GOLGA2: variants seen among roughly 807,000 people sequenced by gnomAD.
GOLGA2 encodes the protein golgin A2.
GOLGA2 carries 49 observed loss-of-function variants against 148.8 expected under a neutral mutation model. That is an observed-to-expected ratio of 0.33 (90% CI 0.26 to 0.42). The LOEUF (loss-of-function observed/expected upper bound fraction) is 0.42, where lower values mean the gene tolerates loss of function less well. Ranked by LOEUF, GOLGA2 falls within the 10% of genes least tolerant of loss-of-function variation. The pLI, the probability that GOLGA2 is intolerant of heterozygous loss-of-function variation, is 1.00. For synonymous variants in GOLGA2, 501 were observed against 511.8 expected (o/e 0.98, Z 0.28); for missense variants, 1,178 against 1,304.6 (o/e 0.90, Z 1.49).
At position 128,266,680 on chromosome 9, in the gene GOLGA2, G is replaced by C. The variant is rs1315881445; in HGVS notation, c.643-355C>G. 2 of 409,306 alleles carry C rather than the reference G, an allele frequency of 4.9e-6. No individual in the cohort carries two copies. The highest frequency in any genetic ancestry group is 2.0e-5 in the African/African-American group (1 of 48,790). 25.4% of individuals were successfully genotyped at this position (409,306 alleles called of 1,614,324 possible). A position where few individuals can be genotyped will look rare whatever the true frequency, so the allele number is the denominator to read the frequency against. On this transcript the variant is annotated intron_variant, in intron 8 of 26. Transcript: ENST00000611957. This position sits in a 1 kb window ranked among gnomAD's most constrained non-coding sequence, Gnocchi z 4.2. ...GCTGAGCACACACAGGCCAGGTACGGTTCTTAATAGCAGGGATACCAGACA... is the reference window on the plus strand; with the variant it reads ...GCTGAGCACACACAGGCCAGGTACGCTTCTTAATAGCAGGGATACCAGACA...
In GOLGA2 at chr9:128,260,647, C is replaced by T; in HGVS notation, c.1576G>A (p.Glu526Lys). ...AGCTCCAGCAGCCTCTCCTCCTGCT[C>T]CCGGTTCAGGCGACTCAAGCCCTCA... is the stretch of plus-strand genomic sequence containing the variant. ...DNEGLSRLNREQEERLLELER... is the reference protein window; with the variant it reads ...DNEGLSRLNRKQEERLLELER... The change falls in exon 18 of 27, where the codon GAG becomes AAG. Residue 526 changes from glutamate (E) to lysine (K), a missense_variant. Glu to Lys is a moderately conservative substitution (Grantham distance 56). Transcript: ENST00000611957. The surrounding 1 kb of genome is among the most constrained non-coding windows in gnomAD (Gnocchi z 4.8). 6.2e-7 allele frequency: 1 copy of T among 1,612,474 alleles called. No homozygotes were observed. Among genetic ancestry groups the T allele is most frequent in the East Asian group, 2.2e-5 (1 of 44,876 alleles).
At chr9:128,275,530 A>G in intron 1 of GOLGA2, 1 of 1,290,274 alleles carries the variant, frequency 7.8e-7, no homozygotes, top group South Asian at 2.6e-5. Flanking sequence ...GGGCCCCGGG[A>G]GTCACGGGCC....
chr9:128,268,046 A>G (rs1357030227), intron 5 of GOLGA2, 49 bp from the exon 6 acceptor site: 16 of 1,603,342 alleles, frequency 1.0e-5, no homozygotes, highest in Non-Finnish European at 1.4e-5. Context: ...TCAATGGGAA[A>G]GAAGGTCATG....
chr9:128,261,519 A>G lies in GOLGA2; in HGVS notation c.1267T>C (p.Tyr423His), dbSNP rs1830274207. 1.9e-6 allele frequency: 3 copies of G among 1,611,050 alleles called. No homozygotes were observed. The highest frequency in any genetic ancestry group is 8.5e-7 in the Non-Finnish European group (1 of 1,177,304). The change falls in exon 16 of 27, where the codon TAT becomes CAT. Residue 423 changes from tyrosine (Y) to histidine (H), a missense_variant. Around this residue, in one of 5 missense-constraint regions of GOLGA2, gnomAD observed 304 missense variants for 404.1 expected, o/e 0.75. Coordinates refer to ENST00000611957, the MANE Select transcript of GOLGA2 (RefSeq NM_001366244.2). The surrounding 1 kb of genome is among the most constrained non-coding windows in gnomAD (Gnocchi z 5.7). ...CTCTCTCCTTTGAGATTCTCCGCAT[A>G]TTTATCTCTCTCCATTTGTAGTTGT... Reference protein sequence around the residue: ...VRQLQMERDKYAENLKGESAM... With the variant: ...VRQLQMERDKHAENLKGESAM...
chr9:128,270,497 A>G (rs1830873283), intron 3 of GOLGA2, among the ~76,000 whole-genome samples: 1 of 152,096 alleles, frequency 6.6e-6, no homozygotes, highest in Non-Finnish European at 1.5e-5. Flanking sequence ...CAACCAAGTT[A>G]TTTCATTATT....
At chr9:128,267,850 C>G in intron 6 of GOLGA2, 84 bp downstream of exon 6, 1 of 1,105,634 alleles carries the variant, frequency 9.0e-7, no homozygotes, top group Non-Finnish European at 1.4e-6. Flanking sequence ...CCAGGATCTT[C>G]CCTCTCTCTT....
chr9:128,261,748 G>T lies in GOLGA2; in HGVS notation c.1144C>A (p.Arg382=), dbSNP rs148100000. The T allele has an allele frequency of 6.2e-7, 1 of 1,610,594 alleles. No individual in the cohort carries two copies. Among genetic ancestry groups the T allele is most frequent in the Non-Finnish European group, 8.5e-7 (1 of 1,176,748 alleles). Residue 382 remains arginine, a synonymous_variant, in exon 15 of 27, where the codon CGG becomes AGG. Coordinates refer to ENST00000611957, the MANE Select transcript of GOLGA2 (RefSeq NM_001366244.2). The surrounding 1 kb of genome is among the most constrained non-coding windows in gnomAD (Gnocchi z 5.7). ...TELLLQQFSS[R]CEAPDANQQL... is the part of the protein sequence containing the mutation. ...TGGTTAGCATCAGGGGCTTCACACC[G>T]GCTTGAAAACTGGATGGTGAAGAGC...
intron 13 of GOLGA2, 108 bp downstream of exon 13, chr9:128,262,926 G>A: frequency 4.6e-6 from 4 of 865,210 alleles, no homozygotes; most frequent in South Asian, 1.3e-5. Flanking sequence ...GGGCACACAT[G>A]CACACCTCTA....
intron 3 of GOLGA2, among the ~76,000 whole-genome samples, chr9:128,269,100 T>G (rs1001532989): frequency 5.3e-5 from 8 of 152,030 alleles, no homozygotes; most frequent in African/African-American, 1.9e-4. Flanking sequence ...TAGCTGAGAT[T>G]ATAGGTGCAC....
At position 128,265,956 on chromosome 9, in the gene GOLGA2, C is replaced by T. The variant is rs1214432300; in HGVS notation, c.732+14G>A. 1.2e-6 allele frequency: 2 copies of T among 1,610,802 alleles called. No individual in the cohort carries two copies. Among genetic ancestry groups the T allele is most frequent in the African/African-American group, 2.7e-5 (2 of 74,900 alleles). Reference sequence around the variant, plus strand: ...CTCCAGAGGACAGGACGGAACTTCACACCCTCCACTCACCTGTAACTGCTC... The same window carrying T: ...CTCCAGAGGACAGGACGGAACTTCATACCCTCCACTCACCTGTAACTGCTC... On this transcript the variant is annotated intron_variant, in intron 10 of 26. Coordinates refer to ENST00000611957, the MANE Select transcript of GOLGA2 (RefSeq NM_001366244.2).
chr9:128,258,519 T>G lies in GOLGA2; in HGVS notation c.2225A>C (p.Glu742Ala), dbSNP rs201018639. ...CATGGGCTGAGGTACTGCCACCGCCTCCTCCTCCTCCTCCTCCTCATCCTC... is the reference window on the plus strand; with the variant it reads ...CATGGGCTGAGGTACTGCCACCGCCGCCTCCTCCTCCTCCTCCTCATCCTC... Reference protein sequence around the residue: ...EEEDEEEEEEEAVAVPQPMPS... With the variant: ...EEEDEEEEEEAAVAVPQPMPS... Residue 742 changes from glutamate to alanine, a missense_variant, in exon 22 of 27, where the codon GAG becomes GCG. Coordinates refer to ENST00000611957, the MANE Select transcript of GOLGA2 (RefSeq NM_001366244.2). This position sits in a 1 kb window ranked among gnomAD's most constrained non-coding sequence, Gnocchi z 6.6. 17 of 1,021,446 alleles carry G rather than the reference T, an allele frequency of 1.7e-5. No homozygotes were observed. Among genetic ancestry groups the G allele is most frequent in the South Asian group, 8.7e-5 (4 of 45,810 alleles). 63.3% of individuals were successfully genotyped at this position (1,021,446 alleles called of 1,614,324 possible).
chr9:128,270,129 A>AT (rs776425049), intron 3 of GOLGA2, among the ~76,000 whole-genome samples: 11,292 of 115,092 alleles, frequency 0.098, 989 homozygotes, highest in African/African-American at 0.21. Context: ...GAGGAAGGGA[A>AT]TTTTTTTTTT....
At position 128,273,841 on chromosome 9, in the gene GOLGA2, A is replaced by G; in HGVS notation, c.207+9T>C. 6.2e-7 allele frequency: 1 copy of G among 1,613,852 alleles called. No individual in the cohort carries two copies. The highest frequency in any genetic ancestry group is 8.5e-7 in the Non-Finnish European group (1 of 1,179,824). On this transcript the variant is annotated intron_variant, in intron 2 of 26. Coordinates refer to ENST00000611957, the MANE Select transcript of GOLGA2 (RefSeq NM_001366244.2). Reference sequence around the variant, plus strand: ...CCTGTCCCCAGGAGCCTGGCCATCCAAGACTCACATCCTCAGGTGAGTGGC... The same window carrying G: ...CCTGTCCCCAGGAGCCTGGCCATCCGAGACTCACATCCTCAGGTGAGTGGC...
In GOLGA2 at chr9:128,259,230, C is replaced by G; in HGVS notation, c.2034G>C (p.Gln678His). 6.3e-7 allele frequency: 1 copy of G among 1,595,162 alleles called. No homozygotes were observed. Among genetic ancestry groups the G allele is most frequent in the African/African-American group, 1.3e-5 (1 of 74,738 alleles). The change falls in exon 20 of 27, where the codon CAG becomes CAC. Residue 678 changes from glutamine (Q) to histidine (H), a missense_variant. Around this residue, in one of 5 missense-constraint regions of GOLGA2, gnomAD observed 529 missense variants for 521.8 expected, o/e 1.01. Coordinates refer to ENST00000611957, the MANE Select transcript of GOLGA2 (RefSeq NM_001366244.2). The stretch of plus-strand genomic sequence containing the variant: ...CCGCTTTGCCCTGAGCTTCCTGCTG[C>G]TGCAGCTGGTCCACGAGCTGGGTCT... Reference protein sequence around the residue: ...LLQTQLVDQLQQQEAQGKAVA... With the variant: ...LLQTQLVDQLHQQEAQGKAVA...
At position 128,272,816 on chromosome 9, in the gene GOLGA2, C is replaced by G; in HGVS notation, c.257G>C (p.Gly86Ala). 1 of 1,279,992 alleles carries G rather than the reference C, an allele frequency of 7.8e-7. No individual in the cohort carries two copies. The highest frequency in any genetic ancestry group is 1.0e-6 in the Non-Finnish European group (1 of 982,238). The allele number at this position is 1,279,992 out of a possible 1,614,324, so 79.3% of individuals were successfully genotyped here. A position where few individuals can be genotyped will look rare whatever the true frequency, so the allele number is the denominator to read the frequency against. Residue 86 changes from glycine (G) to alanine (A), a missense_variant, in exon 3 of 27, where the codon GGG becomes GCG. By Grantham distance (60) the Gly-to-Ala change is moderately conservative. Transcript: ENST00000611957. Reference protein sequence around the residue: ...VLVSDLNRSNGVALPPLDKWK... With the variant: ...VLVSDLNRSNAVALPPLDKWK... The stretch of plus-strand genomic sequence containing the variant: ...CTTGTCCAATGGGGGGAGCGCTACC[C>G]CATTGGAACGGTTAAGGTCGGACAC...
rs1830927310 is a variant in GOLGA2 at position 128,271,265 on chromosome 9, T to A, written c.288+1520A>T. On this transcript the variant is annotated intron_variant, in intron 3 of 26. Transcript: ENST00000611957. This position sits in a 1 kb window ranked among gnomAD's most constrained non-coding sequence, Gnocchi z 4.4. ...GTACCACTCAGCGTCTCCTCTGAGC[T>A]GGCAAGGTGAGTCACAGCACCTGGA... Among the ~76,000 whole-genome samples the A allele has an allele frequency of 1.3e-5, 2 of 152,180 alleles. No homozygotes were observed. The highest frequency in any genetic ancestry group is 1.3e-4 in the Admixed American group (2 of 15,284).
At position 128,271,150 on chromosome 9, in the gene GOLGA2, C is replaced by T. The variant is rs1042683905; in HGVS notation, c.288+1635G>A. On this transcript the variant is annotated intron_variant, in intron 3 of 26. Transcript: ENST00000611957. The surrounding 1 kb of genome is among the most constrained non-coding windows in gnomAD (Gnocchi z 4.4). ...GAATCTCAGAGCATTAGGAAACAGG[C>T]TGAAGACCCCCTAATCCACTGGACC... is the stretch of plus-strand genomic sequence containing the variant. 6.6e-6 allele frequency among the ~76,000 whole-genome samples: 1 copy of T among 152,152 alleles called. No homozygotes were observed. Among genetic ancestry groups the T allele is most frequent in the Non-Finnish European group, 1.5e-5 (1 of 68,020 alleles).
Position 128,257,964 on chromosome 9 carries a change from GGA to G in GOLGA2, c.2508+14_2508+15del, listed in dbSNP as rs770295217. 5.8e-6 allele frequency: 9 copies of G among 1,546,458 alleles called. No individual in the cohort carries two copies. In the South Asian group the frequency reaches 6.7e-5, roughly 12 times the overall value. ...CCCCCACCCTTCTTGACCCATGCCA[GGA>G]GAGACTCATTCACCTGCAGCTTCTC... On this transcript the variant is annotated intron_variant, in intron 23 of 26. Transcript: ENST00000611957. This position sits in a 1 kb window ranked among gnomAD's most constrained non-coding sequence, Gnocchi z 8.0.
In GOLGA2 at chr9:128,257,536, G is replaced by T; in HGVS notation, c.2719-11C>A. ...CTCCAGCAGCTTCACCTGGAGGGAG[G>T]GGTGCTAAGCTGCCATGCCCATGCC... On this transcript the variant is annotated splice_polypyrimidine_tract_variant and intron_variant, in intron 25 of 26. Transcript: ENST00000611957. The surrounding 1 kb of genome is among the most constrained non-coding windows in gnomAD (Gnocchi z 8.0). The T allele has an allele frequency of 6.2e-7, 1 of 1,614,030 alleles. No individual in the cohort carries two copies. The highest frequency in any genetic ancestry group is 8.5e-7 in the Non-Finnish European group (1 of 1,180,018).
Sources: gnomAD v4.1 joint callset for allele counts (sites outside exome capture counted in the v4.1 genomes callset) on GRCh38, gnomAD v4.1.1 for gene constraint, gnomAD v4.1.1 regional missense constraint, Gnocchi (gnomAD v3.1) non-coding constraint, MANE v1.5 for transcripts, NCBI Gene and HGNC (gene_info 2026-07-23, HGNC 2026-07-21) for gene names.